Variants in LYRM4 observed in about 807,000 individuals in gnomAD.
LYRM4 encodes the protein LYR motif-containing protein 4.
A neutral mutation model predicts 11.7 loss-of-function variants in LYRM4; 9 were observed. That is an observed-to-expected ratio of 0.77 (90% CI 0.46 to 1.34). The LOEUF is 1.34. LYRM4 is among the 40% of genes most tolerant of loss of function. LYRM4 has a pLI of 0.00. For synonymous variants in LYRM4, 42 were observed against 40.4 expected (o/e 1.04, Z -0.15); for missense variants, 133 against 112.5 (o/e 1.18, Z -0.82).
chr6:5,248,481 C>T (rs1466780919), intron 1 of LYRM4, among the ~76,000 whole-genome samples: 1 of 152,266 alleles, frequency 6.6e-6, no homozygotes, highest in Admixed American at 6.5e-5. Flanking sequence ...GCACAGCATA[C>T]AAAGCTCTCT....
At chr6:5,186,509 A>G in intron 2 of LYRM4, 1 of 930,734 alleles carries the variant, frequency 1.1e-6, no homozygotes, top group Non-Finnish European at 1.3e-6. Context: ...GGAGAAGGTT[A>G]AACTGAACTC....
the LYRM4 span, among the ~76,000 whole-genome samples, chr6:5,060,147 C>T: frequency 6.6e-6 from 1 of 152,242 alleles, no homozygotes; most frequent in South Asian, 2.1e-4. Flanking sequence ...CAGTGAAATA[C>T]ATATGTACAC....
chr6:5,032,475 C>T, the LYRM4 span: 2 of 152,056 alleles, frequency 1.3e-5, no homozygotes, highest in African/African-American at 4.8e-5. Flanking sequence ...TTGTTTACAG[C>T]AAAATTTGTT....
chr6:5,202,372 G>A (rs964342203), intron 2 of LYRM4, among the ~76,000 whole-genome samples: 8 of 152,208 alleles, frequency 5.3e-5, no homozygotes, highest in African/African-American at 1.9e-4. Flanking sequence ...GGCTCATTGT[G>A]CAGTATGTGG....
At chr6:5,091,815 C>T in the LYRM4 span, among the ~76,000 whole-genome samples, 1 of 152,320 alleles carries the variant, frequency 6.6e-6, no homozygotes, top group East Asian at 1.9e-4. Flanking sequence ...ACAAACCACG[C>T]ATATACATAT....
chr6:5,213,056 G>A (rs1762068378), intron 2 of LYRM4, among the ~76,000 whole-genome samples: 1 of 152,216 alleles, frequency 6.6e-6, no homozygotes, highest in Non-Finnish European at 1.5e-5. Context: ...TGACCTCTGA[G>A]CAGAGTTGAA....
At chr6:5,143,277 T>C (rs770883112) in intron 2 of LYRM4, among the ~76,000 whole-genome samples, 14 of 152,130 alleles carry the variant, frequency 9.2e-5, no homozygotes, top group Non-Finnish European at 1.3e-4. Context: ...GGATCAAATA[T>C]GCCTTCTGGC....
chr6:5,233,357 A>G (rs1473857964), intron 1 of LYRM4, among the ~76,000 whole-genome samples: 1 of 152,282 alleles, frequency 6.6e-6, no homozygotes, highest in Non-Finnish European at 1.5e-5. Context: ...GAAGAAACAC[A>G]GCACCTTATT....
At chr6:5,065,040 A>G in the LYRM4 span, among the ~76,000 whole-genome samples, 1 of 151,316 alleles carries the variant, frequency 6.6e-6, no homozygotes, top group African/African-American at 2.4e-5. Context: ...ATCCCTCTCT[A>G]CCCTAAACCA....
At chr6:5,127,976 C>G (rs1328496604) in intron 2 of LYRM4, among the ~76,000 whole-genome samples, 9 of 152,100 alleles carry the variant, frequency 5.9e-5, no homozygotes, top group Non-Finnish European at 1.3e-4. Flanking sequence ...GTCCCTGTAC[C>G]CTTCACCCTA....
Position 5,108,486 on chromosome 6 carries a change from A to T in LYRM4, c.*937T>A. The T allele has an allele frequency of 7.9e-6, 7 of 881,904 alleles. No homozygotes were observed. Among genetic ancestry groups the T allele is most frequent in the Non-Finnish European group, 9.5e-6 (7 of 735,254 alleles). 54.6% of individuals were successfully genotyped at this position (881,904 alleles called of 1,614,324 possible). A position where few individuals can be genotyped will look rare whatever the true frequency, so the allele number is the denominator to read the frequency against. On this transcript the variant is annotated 3_prime_UTR_variant, in exon 3 of 3. Coordinates refer to ENST00000330636, the MANE Select transcript of LYRM4 (RefSeq NM_020408.6). ...AAAGAGCAGGGGTCCCCAGTTGGTT[A>T]AACATTGAAAACAGTGGGAGAGCTT...
At chr6:5,259,578 T>A (rs1013485234) in intron 1 of LYRM4, among the ~76,000 whole-genome samples, 1 of 152,166 alleles carries the variant, frequency 6.6e-6, no homozygotes, top group Non-Finnish European at 1.5e-5. Flanking sequence ...ACAGAGGTTG[T>A]ACTGGGCAGA....
the LYRM4 span, among the ~76,000 whole-genome samples, chr6:5,044,383 G>A: frequency 1.2e-4 from 19 of 152,080 alleles, no homozygotes; most frequent in Admixed American, 2.6e-4. Flanking sequence ...TGCCCGCCTC[G>A]GCCTCCCAAA....
intron 2 of LYRM4, among the ~76,000 whole-genome samples, chr6:5,202,981 G>A (rs1761476333): frequency 6.6e-6 from 1 of 152,104 alleles, no homozygotes; most frequent in Non-Finnish European, 1.5e-5. Flanking sequence ...AGTCTCCAAG[G>A]AGAGAACGAC....
intron 2 of LYRM4, among the ~76,000 whole-genome samples, chr6:5,126,134 T>C (rs1230752652): frequency 6.6e-6 from 1 of 152,248 alleles, no homozygotes; most frequent in Non-Finnish European, 1.5e-5. Flanking sequence ...GATATGAAGA[T>C]TATTTCCTTT....
In LYRM4 at chr6:5,145,324, T is replaced by TG. The variant is rs1210222741; in HGVS notation, c.208-35834dup. Reference sequence around the variant, plus strand: ...GGCAGCATCTCCAGGCATTTCCATGTGGGGGGCACGCGCCTGTGTAAGTGC... The same window carrying TG: ...GGCAGCATCTCCAGGCATTTCCATGTGGGGGGGCACGCGCCTGTGTAAGTGC... On this transcript the variant is annotated intron_variant, in intron 2 of 2. Coordinates refer to ENST00000330636, the MANE Select transcript of LYRM4 (RefSeq NM_020408.6). 5.9e-5 allele frequency among the ~76,000 whole-genome samples: 9 copies of TG among 152,200 alleles called. No homozygotes were observed. The South Asian group carries it at 6.2e-4, about 10-fold the overall frequency.
rs965034956 is a variant in LYRM4, at chr6:5,179,415, C to G, written c.207+37203G>C. 2.5e-4 allele frequency among the ~76,000 whole-genome samples: 38 copies of G among 152,138 alleles called. 1 individual carries two copies. The highest frequency in any genetic ancestry group is 7.2e-4 in the Admixed American group (11 of 15,272). ...CAAACACCAACTCTCCATTCTCATC[C>G]CTCAGTCTCCCCCAACCCCTCATCA... On this transcript the variant is annotated intron_variant, in intron 2 of 2. Coordinates refer to ENST00000330636, the MANE Select transcript of LYRM4 (RefSeq NM_020408.6).
At chr6:5,071,081 C>T in the LYRM4 span, among the ~76,000 whole-genome samples, 3 of 150,968 alleles carry the variant, frequency 2.0e-5, no homozygotes, top group South Asian at 2.1e-4. Context: ...CCAGCTAACT[C>T]GGGAAGCTGA....
chr6:5,245,163 T>TATATATATATAA (rs1373926501), intron 1 of LYRM4, among the ~76,000 whole-genome samples: 8 of 65,252 alleles, frequency 1.2e-4, no homozygotes, highest in African/African-American at 1.6e-4. Context: ...TATATATATA[T>TATATATATATAA]AAAATAGGTG....
Sources: allele counts gnomAD v4.1 joint callset (sites outside exome capture counted in the v4.1 genomes callset), GRCh38; gene constraint gnomAD v4.1.1; transcripts MANE v1.5; gene names NCBI Gene and HGNC (gene_info 2026-07-23, HGNC 2026-07-21).